The following INHBA variants were observed in gnomAD, a reference collection of about 807,000 sequenced individuals.
The protein encoded by INHBA is inhibin subunit beta A.
INHBA carries 1 observed loss-of-function variant against 29.0 expected under a neutral mutation model. The ratio of observed to expected loss-of-function variants is 0.03; its 90% CI spans 0.01 to 0.16. The LOEUF is 0.16. Ranked by LOEUF, INHBA falls within the 10% of genes least tolerant of loss-of-function variation. The pLI, the probability that INHBA is intolerant of heterozygous loss-of-function variation, is 1.00. For missense variants in INHBA, 376 were observed against 545.4 expected (o/e 0.69, Z 3.09); for synonymous variants, 242 against 216.8 (o/e 1.12, Z -1.02).
chr7:41,699,831 C>T (rs1205466484), intron 2 of INHBA, among the ~76,000 whole-genome samples, 156 bp downstream of exon 2: 1 of 152,068 alleles, frequency 6.6e-6, no homozygotes, highest in Non-Finnish European at 1.5e-5. Context: ...GCCTGCCCTC[C>T]GTCGGCTAGT....
chr7:41,693,615 G>T (rs746960244), intron 2 of INHBA, among the ~76,000 whole-genome samples: 13 of 152,172 alleles, frequency 8.5e-5, no homozygotes, highest in Non-Finnish European at 1.8e-4. Flanking sequence ...ATGATTTAGT[G>T]TTCCTGAGAG....
chr7:41,690,645 C>T (rs1794481283), intron 2 of INHBA, 103 bp from the exon 3 acceptor site: 1 of 1,400,316 alleles, frequency 7.1e-7, no homozygotes, highest in Non-Finnish European at 9.4e-7. Flanking sequence ...CTGTGACAGA[C>T]CCTCTTGAAT....
intron 1 of INHBA, among the ~76,000 whole-genome samples, chr7:41,700,846 AG>A (rs1337377677): frequency 1.1e-4 from 2 of 17,418 alleles, no homozygotes; most frequent in African/African-American, 8.1e-4. Context: ...AAAGGAAGAG[AG>A]AGAGAGAGAG....
chr7:41,700,238 T>A lies in INHBA; in HGVS notation c.137A>T (p.Asp46Val). ...PSCALAALPKDVPNSQPEMVE... is the reference protein window; with the variant it reads ...PSCALAALPKVVPNSQPEMVE... ...CATCTCTGGCTGAGAGTTGGGTACA[T>A]CCTTTGGGAGGGCGGCCAGCGCACA... Residue 46 changes from aspartate to valine, a missense_variant, in exon 2 of 3, where the codon GAT becomes GTT. By Grantham distance (152) the Asp-to-Val change is radical. Around this residue, in one of 4 missense-constraint regions of INHBA, gnomAD observed 71 missense variants for 77.0 expected, o/e 0.92. Coordinates refer to ENST00000242208, the MANE Select transcript of INHBA (RefSeq NM_002192.4). 7 of 1,612,496 alleles carry A rather than the reference T, an allele frequency of 4.3e-6. No individual in the cohort carries two copies. The highest frequency in any genetic ancestry group is 5.9e-6 in the Non-Finnish European group (7 of 1,178,852).
intron 2 of INHBA, among the ~76,000 whole-genome samples, chr7:41,694,793 A>G (rs1051699061): frequency 4.6e-5 from 7 of 152,280 alleles, no homozygotes; most frequent in Admixed American, 2.0e-4. Flanking sequence ...TGGTGGACAC[A>G]TACCAAAGAG....
intron 1 of INHBA, 92 bp from the exon 2 acceptor site, chr7:41,700,609 G>A (rs1794761158): frequency 3.4e-6 from 1 of 291,610 alleles, no homozygotes; most frequent in Non-Finnish European, 6.3e-6. Context: ...CTGTCAGGGA[G>A]GAGAGTTCTG....
Position 41,697,440 on chromosome 7 carries a change from A to C in INHBA, c.388+2547T>G, listed in dbSNP as rs1794673493. ...AAACTCAGTTAAAAGAGTCCTCAGC[A>C]CTTCAGCTTTTGGAGGCTCTCTACT... On this transcript the variant is annotated intron_variant, in intron 2 of 2. Coordinates refer to ENST00000242208, the MANE Select transcript of INHBA (RefSeq NM_002192.4). Among the ~76,000 whole-genome samples the C allele has an allele frequency of 2.0e-5, 3 of 152,214 alleles. No homozygotes were observed. In the South Asian group the frequency reaches 6.2e-4, roughly 31 times the overall value.
rs373733975 is a variant in INHBA at position 41,690,441 on chromosome 7, C to T, written c.490G>A (p.Ala164Thr). Residue 164 changes from alanine (A) to threonine (T), a missense_variant, in exon 3 of 3, where the codon GCC becomes ACC. This residue lies in a region of INHBA where 253 missense variants were observed against 313.4 expected (regional missense o/e 0.81). Transcript: ENST00000242208. The part of the protein sequence containing the change: ...EVWLFLKVPK[A>T]NRTRTKVTIR... ...GTGACTTTGGTCCTGGTCCTGTTGG[C>T]CTTGGGGACTTTTAGGAAGAGCCAG... is the stretch of plus-strand genomic sequence containing the variant. 6.2e-7 allele frequency: 1 copy of T among 1,614,038 alleles called. No homozygotes were observed. Among genetic ancestry groups the T allele is most frequent in the Non-Finnish European group, 8.5e-7 (1 of 1,180,020 alleles).
intron 1 of INHBA, among the ~76,000 whole-genome samples, chr7:41,702,336 G>A (rs1227532825): frequency 6.6e-6 from 1 of 152,136 alleles, no homozygotes; most frequent in Non-Finnish European, 1.5e-5. Context: ...ACAACTATTT[G>A]TAAGACTTTT....
Position 41,688,477 on chromosome 7 carries a change from T to C in INHBA, c.*1173A>G, listed in dbSNP as rs1361676777. The C allele has an allele frequency of 6.6e-6, 1 of 152,084 alleles. No homozygotes were observed. The highest frequency in any genetic ancestry group is 6.5e-5 in the Admixed American group (1 of 15,272). The allele number at this position is 152,084 out of a possible 1,614,324, so 9.4% of individuals were successfully genotyped here. A position where few individuals can be genotyped will look rare whatever the true frequency, so the allele number is the denominator to read the frequency against. ...AATGATACCAACCACAGACAGACTG[T>C]TTAAAGGCTCACACAAATGTCTTTG... On this transcript the variant is annotated 3_prime_UTR_variant, in exon 3 of 3. Coordinates refer to ENST00000242208, the MANE Select transcript of INHBA (RefSeq NM_002192.4).
Position 41,689,630 on chromosome 7 carries a change from T to C in INHBA, c.*20A>G. The C allele has an allele frequency of 6.6e-7, 1 of 1,518,872 alleles. No individual in the cohort carries two copies. The highest frequency in any genetic ancestry group is 1.3e-5 in the South Asian group (1 of 76,566). The allele number at this position is 1,518,872 out of a possible 1,614,324, so 94.1% of individuals were successfully genotyped here. A position where few individuals can be genotyped will look rare whatever the true frequency, so the allele number is the denominator to read the frequency against. Reference sequence around the variant, plus strand: ...TTCTCTGGACAACTCTTGCTCCCTTTCCCCCTGGGCTGGGCAACTCTATGA... The same window carrying C: ...TTCTCTGGACAACTCTTGCTCCCTTCCCCCCTGGGCTGGGCAACTCTATGA... On this transcript the variant is annotated 3_prime_UTR_variant, in exon 3 of 3. Coordinates refer to ENST00000242208, the MANE Select transcript of INHBA (RefSeq NM_002192.4).
chr7:41,686,484 G>T lies in INHBA; in HGVS notation c.*3166C>A, dbSNP rs1157783880. ...TACTTTTGGCCTCATGCTGCTAGGT[G>T]AAAGAGTGGTTGTTCACAGGACTTG... On this transcript the variant is annotated 3_prime_UTR_variant, in exon 3 of 3. Coordinates refer to ENST00000242208, the MANE Select transcript of INHBA (RefSeq NM_002192.4). The T allele has an allele frequency of 1.3e-5, 2 of 152,124 alleles. No individual in the cohort carries two copies. Among genetic ancestry groups the T allele is most frequent in the Non-Finnish European group, 2.9e-5 (2 of 68,004 alleles). The allele number at this position is 152,124 out of a possible 1,614,324, so 9.4% of individuals were successfully genotyped here.
chr7:41,703,546 A>G (rs1023832397), upstream of INHBA, among the ~76,000 whole-genome samples: 3 of 152,134 alleles, frequency 2.0e-5, no homozygotes, highest in Non-Finnish European at 4.4e-5. Flanking sequence ...CTAATTTTAT[A>G]TTTTTAAAAT....
chr7:41,697,237 A>C (rs1183752858), intron 2 of INHBA, among the ~76,000 whole-genome samples: 1 of 152,214 alleles, frequency 6.6e-6, no homozygotes, highest in African/African-American at 2.4e-5. Context: ...AGCCATGCAA[A>C]GAACACACTA....
chr7:41,702,879 C>T (rs1173770940), intron 1 of INHBA, 126 bp downstream of exon 1: 2 of 152,122 alleles, frequency 1.3e-5, no homozygotes, highest in Non-Finnish European at 2.9e-5. Context: ...ATTAACCTGC[C>T]TGAATAATAT....
In INHBA at chr7:41,700,404, T is replaced by A; in HGVS notation, c.-30A>T. 7.1e-7 allele frequency: 1 copy of A among 1,409,288 alleles called. No individual in the cohort carries two copies. The allele number at this position is 1,409,288 out of a possible 1,614,324, so 87.3% of individuals were successfully genotyped here. On this transcript the variant is annotated 5_prime_UTR_variant, in exon 2 of 3. Transcript: ENST00000242208. ...GCAGCAAAAGTTGTTGTGATTGCCT[T>A]TTTAAAAGGCCCTGCTTTTCCTCCC...
At position 41,690,367 on chromosome 7, in the gene INHBA, T is replaced by C. The variant is rs1414026298; in HGVS notation, c.564A>G (p.Thr188=). 3 of 1,614,086 alleles carry C rather than the reference T, an allele frequency of 1.9e-6. No individual in the cohort carries two copies. Among genetic ancestry groups the C allele is most frequent in the Admixed American group, 3.3e-5 (2 of 60,030 alleles). Residue 188 remains threonine (T), a synonymous_variant, in exon 3 of 3, where the codon ACA becomes ACG. Coordinates refer to ENST00000242208, the MANE Select transcript of INHBA (RefSeq NM_002192.4). ...AGCCCACTTCCTCGGCCTCTTCCCCTGTGTCCAAGCTGCCCTGCGGGTGCT... is the reference window on the plus strand; with the variant it reads ...AGCCCACTTCCTCGGCCTCTTCCCCCGTGTCCAAGCTGCCCTGCGGGTGCT... ...QQKHPQGSLD[T]GEEAEEVGLK...
intron 2 of INHBA, among the ~76,000 whole-genome samples, chr7:41,697,700 A>G (rs1433698226): frequency 6.6e-6 from 1 of 152,152 alleles, no homozygotes; most frequent in East Asian, 1.9e-4. Flanking sequence ...CATAGTTGGA[A>G]TGTTATTAAA....
Position 41,690,507 on chromosome 7 carries a change from T to G in INHBA, c.424A>C (p.Lys142Gln). Residue 142 changes from lysine to glutamine, a missense_variant, in exon 3 of 3, where the codon AAG (lysine) becomes CAG (glutamine). This residue lies in a region of INHBA where 253 missense variants were observed against 313.4 expected (regional missense o/e 0.81). Coordinates refer to ENST00000242208, the MANE Select transcript of INHBA (RefSeq NM_002192.4). The stretch of plus-strand genomic sequence containing the variant: ...ACCACTGACAGGTCACTGCCTTCCT[T>G]GGAAATCTCGAAGTGCAGCGTCTTC... ...ARKTLHFEIS[K>Q]EGSDLSVVER... is the part of the protein sequence containing the mutation. 1.2e-6 allele frequency: 2 copies of G among 1,610,220 alleles called. No individual in the cohort carries two copies. The highest frequency in any genetic ancestry group is 1.7e-6 in the Non-Finnish European group (2 of 1,178,456).
Sources: gnomAD v4.1 joint callset for allele counts (sites outside exome capture counted in the v4.1 genomes callset) on GRCh38, gnomAD v4.1.1 for gene constraint, gnomAD v4.1.1 regional missense constraint, MANE v1.5 for transcripts, NCBI Gene and HGNC (gene_info 2026-07-23, HGNC 2026-07-21) for gene names.